FGF7: variants seen among roughly 807,000 people sequenced by gnomAD.
FGF7 encodes the protein fibroblast growth factor 7.
In FGF7, 6 loss-of-function variants were observed where a neutral mutation model predicts 20.5. That is an observed-to-expected ratio of 0.29 (90% CI 0.16 to 0.58). FGF7 has a LOEUF of 0.58. Among genes scored for constraint, FGF7 ranks in the 20% least tolerant of loss-of-function variants. FGF7 has a pLI of 0.90. For synonymous variants in FGF7, 64 were observed against 74.7 expected, an observed-to-expected ratio of 0.86 and a Z score of 0.74; for missense variants, 144 against 228.8, an observed-to-expected ratio of 0.63 and a Z score of 2.39.
intron 2 of FGF7, among the ~76,000 whole-genome samples, chr15:49,467,737 C>G (rs1358349468): frequency 6.6e-6 from 1 of 152,016 alleles, no homozygotes; most frequent in Non-Finnish European, 1.5e-5. Context: ...AGTTTAGAAT[C>G]TTTAGTGATT....
chr15:49,453,818 A>G (rs1196536226), intron 2 of FGF7, among the ~76,000 whole-genome samples: 1 of 152,088 alleles, frequency 6.6e-6, no homozygotes, highest in Non-Finnish European at 1.5e-5. Flanking sequence ...TCCCAATTGA[A>G]TTCAGGATCT....
chr15:49,479,027 T>C (rs1567357805), intron 2 of FGF7, among the ~76,000 whole-genome samples: 2 of 152,208 alleles, frequency 1.3e-5, no homozygotes, highest in Non-Finnish European at 2.9e-5. Context: ...GATACAGGTT[T>C]AAATAATAAA....
chr15:49,467,766 A>G (rs1375918289), intron 2 of FGF7, among the ~76,000 whole-genome samples: 2 of 152,156 alleles, frequency 1.3e-5, no homozygotes, highest in African/African-American at 4.8e-5. Context: ...AACAAAGAGT[A>G]TTTCCTCCTG....
At chr15:49,440,071 A>G (rs1369591643) in intron 2 of FGF7, among the ~76,000 whole-genome samples, 1 of 151,766 alleles carries the variant, frequency 6.6e-6, no homozygotes, top group African/African-American at 2.4e-5. Flanking sequence ...TTATTTGATG[A>G]GGGAACTGAG....
chr15:49,436,684 A>C (rs118069527), intron 2 of FGF7, among the ~76,000 whole-genome samples: 22,916 of 151,512 alleles, frequency 0.15, 2,237 homozygotes, highest in Non-Finnish European at 0.21. Context: ...CACAGAATTA[A>C]GTAACTTGCT....
intron 2 of FGF7, among the ~76,000 whole-genome samples, chr15:49,430,471 G>A (rs1238342987): frequency 1.3e-5 from 2 of 151,776 alleles, no homozygotes; most frequent in African/African-American, 4.8e-5. Context: ...GAAACCCAGG[G>A]GGAGAGAACC....
chr15:49,470,743 T>A (rs1330193782), intron 2 of FGF7, among the ~76,000 whole-genome samples: 1 of 152,262 alleles, frequency 6.6e-6, no homozygotes, highest in East Asian at 1.9e-4. Flanking sequence ...AATGAGTATT[T>A]GTGATCTATC....
intron 2 of FGF7, among the ~76,000 whole-genome samples, chr15:49,449,582 T>C (rs1322335625): frequency 6.6e-6 from 1 of 152,026 alleles, no homozygotes; most frequent in Non-Finnish European, 1.5e-5. Context: ...GGCAACCTTA[T>C]ACTTCTATTA....
chr15:49,466,507 G>A (rs1054851376), intron 2 of FGF7, among the ~76,000 whole-genome samples: 10 of 152,120 alleles, frequency 6.6e-5, no homozygotes, highest in African/African-American at 2.4e-4. Context: ...AAATAAAAGA[G>A]GTTTTTGTTT....
At chr15:49,456,771 A>C (rs1376822939) in intron 2 of FGF7, among the ~76,000 whole-genome samples, 1 of 152,102 alleles carries the variant, frequency 6.6e-6, no homozygotes, top group East Asian at 1.9e-4. Context: ...TGAACAGGGT[A>C]TTGACAGGTG....
intron 2 of FGF7, among the ~76,000 whole-genome samples, chr15:49,445,372 T>C (rs2052098063): frequency 6.6e-6 from 1 of 151,666 alleles, no homozygotes; most frequent in African/African-American, 2.4e-5. Flanking sequence ...ACATGCAGTA[T>C]TTGGTTTTCT....
At chr15:49,474,072 C>A (rs749310953) in intron 2 of FGF7, among the ~76,000 whole-genome samples, 1 of 152,024 alleles carries the variant, frequency 6.6e-6, no homozygotes, top group Non-Finnish European at 1.5e-5. Flanking sequence ...TTATTATATT[C>A]AAACTCTAAA....
intron 2 of FGF7, among the ~76,000 whole-genome samples, chr15:49,468,116 T>G (rs2054426810): frequency 6.6e-6 from 1 of 152,308 alleles, no homozygotes; most frequent in East Asian, 1.9e-4. Context: ...AATGTTTTAT[T>G]TTCTTAATAA....
chr15:49,442,660 T>C (rs563169206), intron 2 of FGF7, among the ~76,000 whole-genome samples: 1 of 151,838 alleles, frequency 6.6e-6, no homozygotes, highest in Admixed American at 6.6e-5. Context: ...CAGTGTCTTT[T>C]ATTGTTGCCT....
chr15:49,459,585 T>C (rs1465274899), intron 2 of FGF7, among the ~76,000 whole-genome samples: 1 of 152,202 alleles, frequency 6.6e-6, no homozygotes, highest in East Asian at 1.9e-4. Flanking sequence ...GTTTTATCTC[T>C]TCAATATTTT....
chr15:49,473,171 C>T (rs369437547), intron 2 of FGF7, among the ~76,000 whole-genome samples: 321 of 152,130 alleles, frequency 2.1e-3, no homozygotes, highest in South Asian at 6.9e-3. Flanking sequence ...ACAAACATAT[C>T]AAATATGAAT....
intron 2 of FGF7, among the ~76,000 whole-genome samples, chr15:49,439,695 C>T (rs1319994746): frequency 6.6e-6 from 1 of 151,714 alleles, no homozygotes; most frequent in Non-Finnish European, 1.5e-5. Flanking sequence ...GTTAGGGTCT[C>T]CTCAGGAGGA....
At chr15:49,471,358 C>G (rs548073478) in intron 2 of FGF7, among the ~76,000 whole-genome samples, 1 of 151,922 alleles carries the variant, frequency 6.6e-6, no homozygotes, top group South Asian at 2.1e-4. Flanking sequence ...GTGGCACAAC[C>G]TGTAATTACA....
chr15:49,444,101 T>C (rs2051948698), intron 2 of FGF7, among the ~76,000 whole-genome samples: 1 of 151,512 alleles, frequency 6.6e-6, no homozygotes, highest in African/African-American at 2.4e-5. Context: ...CTTACGGCAG[T>C]GTTGGAAGCA....
Sources: allele counts gnomAD v4.1 joint callset (sites outside exome capture counted in the v4.1 genomes callset), GRCh38; gene constraint gnomAD v4.1.1; transcripts MANE v1.5; gene names NCBI Gene and HGNC (gene_info 2026-07-23, HGNC 2026-07-21).